CNTN5: variants seen among roughly 807,000 people sequenced by gnomAD.
CNTN5 encodes contactin 5.
In CNTN5, 77 loss-of-function variants were observed where a neutral mutation model predicts 129.1. That is an observed-to-expected ratio of 0.60 (90% CI 0.50 to 0.72). The LOEUF is 0.72. Ranked by LOEUF, CNTN5 falls within the 30% of genes least tolerant of loss-of-function variation. The probability of loss-of-function intolerance (pLI) is 0.00; values close to 1 mark genes in which losing one functional copy is unlikely to be tolerated. For missense variants in CNTN5, 1,478 were observed against 1,328.8 expected (o/e 1.11, Z -1.75); for synonymous variants, 509 against 465.6 (o/e 1.09, Z -1.20).
intron 2 of CNTN5, among the ~76,000 whole-genome samples, chr11:99,536,922 T>G (rs1947924343): frequency 1.3e-5 from 2 of 151,838 alleles, no homozygotes; most frequent in African/African-American, 4.8e-5. Context: ...CCAATATATG[T>G]AATCCAAAAA....
chr11:99,973,209 C>T (rs1937694109), intron 8 of CNTN5, among the ~76,000 whole-genome samples: 1 of 152,038 alleles, frequency 6.6e-6, no homozygotes, highest in Non-Finnish European at 1.5e-5. Flanking sequence ...TATATTCAGT[C>T]AGATTATGAA....
chr11:100,126,715 G>A (rs749107822), intron 13 of CNTN5, among the ~76,000 whole-genome samples: 29 of 152,110 alleles, frequency 1.9e-4, no homozygotes, highest in Non-Finnish European at 4.1e-4. Context: ...AGGAAAAATG[G>A]GTCTTGTTTT....
chr11:99,808,620 A>T (rs1456337472), intron 3 of CNTN5, among the ~76,000 whole-genome samples: 1 of 152,158 alleles, frequency 6.6e-6, no homozygotes, highest in Non-Finnish European at 1.5e-5. Context: ...GGACTTCAAT[A>T]ACTAACTCAC....
chr11:99,680,819 A>G (rs565212991), intron 3 of CNTN5, among the ~76,000 whole-genome samples: 2 of 152,070 alleles, frequency 1.3e-5, no homozygotes, highest in African/African-American at 4.8e-5. Context: ...TTCAAAATCA[A>G]AATTACTCCT....
intron 1 of CNTN5, among the ~76,000 whole-genome samples, chr11:99,310,620 A>G (rs1342813033): frequency 6.6e-6 from 1 of 152,188 alleles, no homozygotes; most frequent in East Asian, 1.9e-4. Context: ...CCACTATCCC[A>G]ATCAAAACAT....
chr11:99,953,466 T>G (rs1208928171), intron 7 of CNTN5, among the ~76,000 whole-genome samples: 3 of 152,196 alleles, frequency 2.0e-5, no homozygotes, highest in African/African-American at 7.2e-5. Flanking sequence ...AATTCCAATA[T>G]GTAGCTGATC....
intron 2 of CNTN5, among the ~76,000 whole-genome samples, chr11:99,354,601 C>G (rs1244647504): frequency 9.2e-5 from 14 of 152,120 alleles, no homozygotes; most frequent in Admixed American, 9.2e-4. Context: ...ACCCCGTAAT[C>G]AGTGCTAAGT....
chr11:99,402,926 A>C (rs995067372), intron 2 of CNTN5, among the ~76,000 whole-genome samples: 33 of 151,914 alleles, frequency 2.2e-4, no homozygotes, highest in African/African-American at 7.7e-4. Flanking sequence ...CTCCTGTTTC[A>C]TCACTGATTT....
At chr11:100,046,404 A>G (rs1942680070) in intron 9 of CNTN5, among the ~76,000 whole-genome samples, 2 of 152,196 alleles carry the variant, frequency 1.3e-5, no homozygotes, top group African/African-American at 4.8e-5. Flanking sequence ...ATATGTGTTC[A>G]TAATCTTTGT....
At chr11:99,980,568 A>T (rs1331006969) in intron 8 of CNTN5, among the ~76,000 whole-genome samples, 1 of 152,198 alleles carries the variant, frequency 6.6e-6, no homozygotes, top group Admixed American at 6.5e-5. Flanking sequence ...GGTCCCTTCC[A>T]CTATAAATAT....
Position 99,694,262 on chromosome 11 carries a change from T to C in CNTN5, c.56-125282T>C, listed in dbSNP as rs114853507. Among the ~76,000 whole-genome samples, 484 of 152,246 alleles carry C rather than the reference T, an allele frequency of 3.2e-3. 1 individual carries two copies. Among genetic ancestry groups the C allele is most frequent in the African/African-American group, 0.011 (473 of 41,558 alleles). On this transcript the variant is annotated intron_variant, in intron 3 of 24. Coordinates refer to ENST00000524871, the MANE Select transcript of CNTN5 (RefSeq NM_014361.4). Reference sequence around the variant, plus strand: ...CAGACAGTGAGCCAAATCTGGCTTATTGCCATTATTTGGTGAGTAGGCATT... The same window carrying C: ...CAGACAGTGAGCCAAATCTGGCTTACTGCCATTATTTGGTGAGTAGGCATT...
At chr11:99,437,558 C>T (rs1047229939) in intron 2 of CNTN5, among the ~76,000 whole-genome samples, 10 of 151,972 alleles carry the variant, frequency 6.6e-5, no homozygotes, top group African/African-American at 2.4e-4. Flanking sequence ...CTGGGTGTTG[C>T]GGCTCATGCC....
intron 6 of CNTN5, among the ~76,000 whole-genome samples, chr11:99,877,471 C>T (rs573430023): frequency 6.6e-6 from 1 of 152,222 alleles, no homozygotes; most frequent in South Asian, 2.1e-4. Flanking sequence ...TTCTTGGCTC[C>T]TAAGTGACAG....
chr11:99,771,078 A>C (rs772344742), intron 3 of CNTN5, among the ~76,000 whole-genome samples: 9 of 152,222 alleles, frequency 5.9e-5, no homozygotes, highest in Non-Finnish European at 8.8e-5. Flanking sequence ...GTGTAGAGGA[A>C]CCTGGACTTT....
chr11:100,234,104 A>G (rs1949551347), intron 16 of CNTN5, among the ~76,000 whole-genome samples: 1 of 152,236 alleles, frequency 6.6e-6, no homozygotes, highest in Non-Finnish European at 1.5e-5. Context: ...ATACCATCTC[A>G]TGCCAGTTAG....
intron 9 of CNTN5, among the ~76,000 whole-genome samples, chr11:100,047,479 C>T (rs1404064260): frequency 6.6e-6 from 1 of 152,046 alleles, no homozygotes; most frequent in Non-Finnish European, 1.5e-5. Context: ...TAATGTGAAG[C>T]CTCTAATAAA....
chr11:99,573,496 GA>G (rs1360687647), intron 3 of CNTN5, among the ~76,000 whole-genome samples: 1 of 151,922 alleles, frequency 6.6e-6, no homozygotes, highest in Non-Finnish European at 1.5e-5. Flanking sequence ...CGTGAACCAG[GA>G]AGGCGGAGTT....
At chr11:100,086,283 G>A (rs959368970) in intron 13 of CNTN5, among the ~76,000 whole-genome samples, 15 of 149,946 alleles carry the variant, frequency 1.0e-4, no homozygotes, top group Middle Eastern at 3.5e-3. Context: ...TTAAAGTTAC[G>A]ACTTAAATAT....
chr11:100,054,945 G>A (rs1013725773), intron 9 of CNTN5, among the ~76,000 whole-genome samples: 1 of 48,714 alleles, frequency 2.1e-5, no homozygotes, highest in Non-Finnish European at 3.2e-5. Context: ...ATATCAAACT[G>A]CCCAACAAAA....
Sources: allele counts gnomAD v4.1 joint callset (sites outside exome capture counted in the v4.1 genomes callset), GRCh38; gene constraint gnomAD v4.1.1; transcripts MANE v1.5; gene names NCBI Gene and HGNC (gene_info 2026-07-23, HGNC 2026-07-21).